The following PRPF38B variants were observed in gnomAD, a reference collection of about 807,000 sequenced individuals.
The protein encoded by PRPF38B is pre-mRNA processing factor 38B.
Under a neutral mutation model 67.2 loss-of-function variants are expected in PRPF38B, and 18 were observed. The observed-to-expected ratio is 0.27, with a 90% CI of 0.19 to 0.40. PRPF38B has a LOEUF of 0.40. Among genes scored for constraint, PRPF38B ranks in the 10% least tolerant of loss-of-function variants. PRPF38B has a pLI of 1.00. For synonymous variants in PRPF38B, 246 were observed against 234.2 expected (o/e 1.05, Z -0.46); for missense variants, 544 against 684.9 (o/e 0.79, Z 2.30).
intron 4 of PRPF38B, 36 bp downstream of exon 4, chr1:108,696,373 A>C: frequency 6.5e-7 from 1 of 1,528,118 alleles, no homozygotes; most frequent in Non-Finnish European, 9.0e-7. Context: ...TTTTCTTCTG[A>C]TTACTCTCAT....
At chr1:108,694,502 A>G (rs578200580) in intron 1 of PRPF38B, among the ~76,000 whole-genome samples, 7 of 152,378 alleles carry the variant, frequency 4.6e-5, no homozygotes, top group East Asian at 1.9e-4. Flanking sequence ...ACTGAAATTT[A>G]TAAGTTTCCA....
chr1:108,695,629 G>A (rs1386076513), intron 1 of PRPF38B, 73 bp from the exon 2 acceptor site: 8 of 1,452,886 alleles, frequency 5.5e-6, no homozygotes, highest in Non-Finnish European at 7.6e-6. Context: ...TATGGACTTG[G>A]GTTTACTTTT....
Position 108,700,074 on chromosome 1 carries a change from T to C in PRPF38B, c.*54T>C, listed in dbSNP as rs569009206. On this transcript the variant is annotated 3_prime_UTR_variant, in exon 6 of 6. Transcript: ENST00000370025. ...AATCCTATAAATGATTAAATCTGCT[T>C]TTTTCCCCCACGTTGAGATTGTGCA... The C allele has an allele frequency of 1.3e-5, 20 of 1,524,846 alleles. No individual in the cohort carries two copies. In the South Asian group the frequency reaches 1.4e-4, roughly 10 times the overall value. The allele number at this position is 1,524,846 out of a possible 1,614,324, so 94.5% of individuals were successfully genotyped here. A position where few individuals can be genotyped will look rare whatever the true frequency, so the allele number is the denominator to read the frequency against.
In PRPF38B at chr1:108,699,490, G is replaced by A. The variant is rs993446356; in HGVS notation, c.1111G>A (p.Asp371Asn). 10 of 1,590,974 alleles carry A rather than the reference G, an allele frequency of 6.3e-6. No homozygotes were observed. The highest frequency in any genetic ancestry group is 8.6e-6 in the Non-Finnish European group (10 of 1,168,404). The change falls in exon 6 of 6, where the codon GAT (aspartate) becomes AAT (asparagine). Residue 371 changes from aspartate to asparagine, a missense_variant. Coordinates refer to ENST00000370025, the MANE Select transcript of PRPF38B (RefSeq NM_018061.4). ...ERGRRRDRDYDKERGNEREKE... is the reference protein window; with the variant it reads ...ERGRRRDRDYNKERGNEREKE... ...AGGTAGAAGACGAGATCGTGACTAT[G>A]ATAAGGAAAGAGGAAATGAACGAGA...
rs1408499409 is a variant in PRPF38B at position 108,698,601 on chromosome 1, T to C, written c.559-3T>C. The C allele has an allele frequency of 6.3e-6, 10 of 1,593,518 alleles. No homozygotes were observed. The highest frequency in any genetic ancestry group is 8.6e-6 in the Non-Finnish European group (10 of 1,163,830). On this transcript the variant is annotated splice_region_variant and splice_polypyrimidine_tract_variant and intron_variant, in intron 4 of 5. Coordinates refer to ENST00000370025, the MANE Select transcript of PRPF38B (RefSeq NM_018061.4). Reference sequence around the variant, plus strand: ...GGCTAGGGTATCTTTTGTGTTTCTGTAGGACCTAGATGTGAAGGCTGGTGG... The same window carrying C: ...GGCTAGGGTATCTTTTGTGTTTCTGCAGGACCTAGATGTGAAGGCTGGTGG...
In PRPF38B at chr1:108,700,072, CT is replaced by C; in HGVS notation, c.*58del. On this transcript the variant is annotated 3_prime_UTR_variant, in exon 6 of 6. Transcript: ENST00000370025. ...TGAATCCTATAAATGATTAAATCTG[CT>C]TTTTTCCCCCACGTTGAGATTGTGC... The C allele has an allele frequency of 1.3e-6, 2 of 1,525,472 alleles. No individual in the cohort carries two copies. Among genetic ancestry groups the C allele is most frequent in the Non-Finnish European group, 1.7e-6 (2 of 1,142,904 alleles). The allele number at this position is 1,525,472 out of a possible 1,614,324, so 94.5% of individuals were successfully genotyped here.
At chr1:108,692,946 G>A in intron 1 of PRPF38B, 79 bp downstream of exon 1, 2 of 1,507,176 alleles carry the variant, frequency 1.3e-6, no homozygotes, top group Non-Finnish European at 1.8e-6. Context: ...GGCGGCCCCC[G>A]AAATCTGAAG....
In PRPF38B at chr1:108,702,650, T is replaced by G. The variant is rs1273837317; in HGVS notation, c.*2630T>G. Among the ~76,000 whole-genome samples the G allele has an allele frequency of 6.6e-6, 1 of 151,884 alleles. No individual in the cohort carries two copies. On this transcript the variant is annotated 3_prime_UTR_variant, in exon 6 of 6. Transcript: ENST00000370025. ...CGGGGCCTGTTGTGGGGTGGGGGAC[T>G]AGGGGAGGGATAATATTAGGAGAAA...
rs1660221482 is a variant in PRPF38B at position 108,699,488 on chromosome 1, A to G, written c.1109A>G (p.Tyr370Cys). The change falls in exon 6 of 6, where the codon TAT becomes TGT. Residue 370 changes from tyrosine (Y) to cysteine (C), a missense_variant. Tyr to Cys is a radical substitution (Grantham distance 194). Transcript: ENST00000370025. Reference protein sequence around the residue: ...NERGRRRDRDYDKERGNEREK... With the variant: ...NERGRRRDRDCDKERGNEREK... ...AGAGGTAGAAGACGAGATCGTGACT[A>G]TGATAAGGAAAGAGGAAATGAACGA... 14 of 1,593,860 alleles carry G rather than the reference A, an allele frequency of 8.8e-6. No individual in the cohort carries two copies. Among genetic ancestry groups the G allele is most frequent in the East Asian group, 2.3e-5 (1 of 43,860 alleles).
At chr1:108,693,024 C>T (rs542500704) in intron 1 of PRPF38B, among the ~76,000 whole-genome samples, 157 bp downstream of exon 1, 53 of 152,114 alleles carry the variant, frequency 3.5e-4, no homozygotes, top group African/African-American at 1.2e-3. Flanking sequence ...TGGGAGGGGT[C>T]GGACTGGGGC....
At chr1:108,699,024 A>C (rs887309374) in intron 5 of PRPF38B, 138 bp from the exon 6 acceptor site, 1 of 1,474,874 alleles carries the variant, frequency 6.8e-7, no homozygotes, top group African/African-American at 1.4e-5. Flanking sequence ...AGAACAATAA[A>C]ATTTTTTGCT....
At chr1:108,696,827 CTAAG>C (rs1396007106) in intron 4 of PRPF38B, 24 of 699,946 alleles carry the variant, frequency 3.4e-5, no homozygotes, top group Middle Eastern at 2.3e-4. Flanking sequence ...CATAAATAGG[CTAAG>C]TGTTTGGATG....
intron 4 of PRPF38B, chr1:108,697,538 C>CTTTTT (rs34770110): frequency 2.3e-4 from 33 of 146,042 alleles, no homozygotes; most frequent in African/African-American, 8.3e-4. Context: ...TTATTTTTCT[C>CTTTTT]TTTTTTTTTT....
intron 1 of PRPF38B, 58 bp from the exon 2 acceptor site, chr1:108,695,644 G>A: frequency 6.4e-7 from 1 of 1,557,592 alleles, no homozygotes; most frequent in African/African-American, 1.4e-5. Flanking sequence ...ACTTTTATCA[G>A]GCTTTTAAAC....
Position 108,699,952 on chromosome 1 carries a change from C to T in PRPF38B, c.1573C>T (p.Arg525Ter), listed in dbSNP as rs377228092. 3.4e-5 allele frequency: 55 copies of T among 1,613,036 alleles called. No homozygotes were observed. The highest frequency in any genetic ancestry group is 2.4e-4 in the South Asian group (22 of 90,954). The stretch of plus-strand genomic sequence containing the variant: ...GGACCAGTCAGACAAACATGATCGT[C>T]GAAGGAGCCAAAGTATAGAACAAGA... ...SKDQSDKHDR[R>*]RSQSIEQESQ... Residue 525 changes from arginine to a stop codon, truncating the protein, a stop_gained, in exon 6 of 6, where the codon CGA becomes TGA. Coordinates refer to ENST00000370025, the MANE Select transcript of PRPF38B (RefSeq NM_018061.4). LOFTEE classifies it high-confidence loss of function.
In PRPF38B at chr1:108,692,566, C is replaced by T. The variant is rs1659415875; in HGVS notation, c.-26C>T. 9.2e-7 allele frequency: 1 copy of T among 1,085,830 alleles called. No individual in the cohort carries two copies. The highest frequency in any genetic ancestry group is 1.4e-5 in the South Asian group (1 of 73,936). 67.3% of individuals were successfully genotyped at this position (1,085,830 alleles called of 1,614,324 possible). Reference sequence around the variant, plus strand: ...GCTTGGCCCCCTCCCCCCCCTCCTTCCCTCCCTCCTTCCTTCCGCCGCAAC... The same window carrying T: ...GCTTGGCCCCCTCCCCCCCCTCCTTTCCTCCCTCCTTCCTTCCGCCGCAAC... On this transcript the variant is annotated 5_prime_UTR_variant, in exon 1 of 6. Coordinates refer to ENST00000370025, the MANE Select transcript of PRPF38B (RefSeq NM_018061.4).
rs761908250 is a variant in PRPF38B at position 108,700,989 on chromosome 1, T to A, written c.*969T>A. 1 of 152,522 alleles carries A rather than the reference T, an allele frequency of 6.6e-6. No individual in the cohort carries two copies. The highest frequency in any genetic ancestry group is 6.5e-5 in the Admixed American group (1 of 15,288). 9.4% of individuals were successfully genotyped at this position (152,522 alleles called of 1,614,324 possible). A position where few individuals can be genotyped will look rare whatever the true frequency, so the allele number is the denominator to read the frequency against. On this transcript the variant is annotated 3_prime_UTR_variant, in exon 6 of 6. Coordinates refer to ENST00000370025, the MANE Select transcript of PRPF38B (RefSeq NM_018061.4). ...TGATATAGTGTCCTTTTTTTAAAAT[T>A]CAGAACTTTTTTTATTGATAATGGA...
rs1381780174 is a variant in PRPF38B, at chr1:108,699,535, A to G, written c.1156A>G (p.Arg386Gly). The G allele has an allele frequency of 6.4e-7, 1 of 1,557,524 alleles. No individual in the cohort carries two copies. The highest frequency in any genetic ancestry group is 1.2e-5 in the South Asian group (1 of 85,082). ...ACGAGAAAAAGAGAGAGAGCGATCAAGAGAAAGGTCCAAGGAACAGAGAAG... is the reference window on the plus strand; with the variant it reads ...ACGAGAAAAAGAGAGAGAGCGATCAGGAGAAAGGTCCAAGGAACAGAGAAG... ...NEREKERERS[R>G]ERSKEQRSRG... Residue 386 changes from arginine (R) to glycine (G), a missense_variant, in exon 6 of 6, where the codon AGA becomes GGA. By Grantham distance (125) the Arg-to-Gly change is moderately radical (BLOSUM62 -2). Coordinates refer to ENST00000370025, the MANE Select transcript of PRPF38B (RefSeq NM_018061.4).
Position 108,699,307 on chromosome 1 carries a change from G to C in PRPF38B, c.928G>C (p.Glu310Gln). Residue 310 changes from glutamate (E) to glutamine (Q), a missense_variant, in exon 6 of 6, where the codon GAA becomes CAA. By Grantham distance (29) the Glu-to-Gln change is conservative. This residue lies in a region of PRPF38B where 387 missense variants were observed against 386.1 expected (regional missense o/e 1.00). Coordinates refer to ENST00000370025, the MANE Select transcript of PRPF38B (RefSeq NM_018061.4). ...CCAGCGACTAGAGCGTGAAGCCAAA[G>C]AAAGGGAGAAAGAACGGCGAAGATC... is the stretch of plus-strand genomic sequence containing the variant. ...ERQRLEREAK[E>Q]REKERRRSRS... 6.2e-7 allele frequency: 1 copy of C among 1,614,158 alleles called. No homozygotes were observed. Among genetic ancestry groups the C allele is most frequent in the Non-Finnish European group, 8.5e-7 (1 of 1,180,030 alleles).
Sources: allele counts gnomAD v4.1 joint callset (sites outside exome capture counted in the v4.1 genomes callset), GRCh38; gene constraint gnomAD v4.1.1; regional missense constraint gnomAD v4.1.1; transcripts MANE v1.5; gene names NCBI Gene and HGNC (gene_info 2026-07-23, HGNC 2026-07-21).